The following SPEN variants were observed in gnomAD, a reference collection of about 807,000 sequenced individuals.
SPEN encodes the protein msx2-interacting protein.
A neutral mutation model predicts 269.9 loss-of-function variants in SPEN; 18 were observed. The ratio of observed to expected loss-of-function variants is 0.07; its 90% confidence interval spans 0.05 to 0.10. SPEN has a LOEUF of 0.10. Among genes scored for constraint, SPEN ranks in the 10% least tolerant of loss-of-function variants. The pLI, the probability that SPEN is intolerant of heterozygous loss-of-function variation, is 1.00. For synonymous variants in SPEN, 1,726 were observed against 1,765.7 expected (o/e 0.98, Z 0.56); for missense variants, 3,822 against 4,631.2 (o/e 0.83, Z 5.07).
intron 1 of SPEN, among the ~76,000 whole-genome samples, 155 bp from the exon 2 acceptor site, chr1:15,872,661 G>A (rs113978795): frequency 0.035 from 5,251 of 151,280 alleles, 297 homozygotes; most frequent in African/African-American, 0.12. Context: ...TTTCCCCAGA[G>A]AGAAAAACGT....
Position 15,904,452 on chromosome 1 carries a change from C to CAAAAAAAAAAA in SPEN, c.882-4854_882-4844dup, listed in dbSNP as rs1215369183. On this transcript the variant is annotated intron_variant, in intron 3 of 14. Transcript: ENST00000375759. ...GGGCAATAAGAGCGAAACTCCATCT[C>CAAAAAAAAAAA]AAAAAAAAAAAAAAAAAAAAAAAAA... Among the ~76,000 whole-genome samples, 60 of 48,616 alleles carry CAAAAAAAAAAA rather than the reference C, an allele frequency of 1.2e-3. 7 individuals carry two copies. The highest frequency in any genetic ancestry group is 2.0e-3 in the African/African-American group (34 of 16,798). The allele number at this position is 48,616 out of a possible 152,430, so 31.9% of individuals were successfully genotyped here.
rs759949431 is a variant in SPEN at position 15,932,664 on chromosome 1, G to C, written c.6424G>C (p.Val2142Leu). The C allele has an allele frequency of 1.2e-6, 2 of 1,613,854 alleles. No homozygotes were observed. Among genetic ancestry groups the C allele is most frequent in the East Asian group, 2.2e-5 (1 of 44,884 alleles). Residue 2142 changes from valine (V) to leucine (L), a missense_variant, in exon 11 of 15, where the codon GTT (valine) becomes CTT (leucine). Val to Leu is a conservative substitution (Grantham distance 32). Coordinates refer to ENST00000375759, the MANE Select transcript of SPEN (RefSeq NM_015001.3). The surrounding 1 kb of genome is among the most constrained non-coding windows in gnomAD (Gnocchi z 4.2). ...GLSSQLKSDPVDPDKEPEKED... is the reference protein window; with the variant it reads ...GLSSQLKSDPLDPDKEPEKED... ...ATCATCCCAGTTGAAAAGTGATCCA[G>C]TTGATCCAGACAAGGAACCAGAGAA... is the stretch of plus-strand genomic sequence containing the variant.
chr1:15,853,370 A>G (rs1253329150), intron 1 of SPEN, among the ~76,000 whole-genome samples: 1 of 149,758 alleles, frequency 6.7e-6, no homozygotes, highest in Non-Finnish European at 1.5e-5. Flanking sequence ...TATTTTTAGT[A>G]GAGACAGGGT....
At chr1:15,905,480 C>T (rs1256300352) in intron 3 of SPEN, among the ~76,000 whole-genome samples, 4 of 152,018 alleles carry the variant, frequency 2.6e-5, no homozygotes, top group Non-Finnish European at 5.9e-5. Context: ...CCTTGGCCTC[C>T]CAAAGTGCTG....
At chr1:15,936,700 G>T (rs549491918) in intron 11 of SPEN, among the ~76,000 whole-genome samples, 163 of 151,568 alleles carry the variant, frequency 1.1e-3, no homozygotes, top group African/African-American at 3.7e-3. Flanking sequence ...ACTTTGGGAG[G>T]CCAGGGCTGG....
At chr1:15,873,305 A>G in intron 2 of SPEN, 169 bp downstream of exon 2, 1 of 985,436 alleles carries the variant, frequency 1.0e-6, no homozygotes, top group Non-Finnish European at 1.2e-6. Context: ...TATCTTATGG[A>G]ATCGTAGAGG....
intron 1 of SPEN, among the ~76,000 whole-genome samples, chr1:15,849,298 G>A (rs2070309383): frequency 6.6e-6 from 1 of 152,190 alleles, no homozygotes. Flanking sequence ...ATTATGGAGC[G>A]TCCTCATTAA....
At chr1:15,913,329 G>A (rs1305632090) in intron 5 of SPEN, among the ~76,000 whole-genome samples, 1 of 152,114 alleles carries the variant, frequency 6.6e-6, no homozygotes, top group Non-Finnish European at 1.5e-5. Context: ...TCCCAAAGGT[G>A]TGTAGGCATT....
rs759437028 is a variant in SPEN at position 15,919,461 on chromosome 1, A to G, written c.1579A>G (p.Asn527Asp). The G allele has an allele frequency of 6.2e-7, 1 of 1,608,950 alleles. No homozygotes were observed. The highest frequency in any genetic ancestry group is 1.7e-5 in the Admixed American group (1 of 57,544). ...CGTGTGGCTAGATGGGCTTTCTTCG[A>G]ATGTGTCAGATCAGTATTTAACACG... ...NCVWLDGLSS[N>D]VSDQYLTRHF... The change falls in exon 8 of 15, where the codon AAT (asparagine) becomes GAT (aspartate). Residue 527 changes from asparagine to aspartate, a missense_variant. Coordinates refer to ENST00000375759, the MANE Select transcript of SPEN (RefSeq NM_015001.3).
chr1:15,878,985 AGATG>A, intron 3 of SPEN, among the ~76,000 whole-genome samples: 1 of 144,212 alleles, frequency 6.9e-6, no homozygotes. Flanking sequence ...CCTGGGTGAC[AGATG>A]ATGAGACTCT....
chr1:15,902,086 G>GC (rs981712496), intron 3 of SPEN, among the ~76,000 whole-genome samples: 3 of 151,754 alleles, frequency 2.0e-5, no homozygotes, highest in African/African-American at 7.3e-5. Flanking sequence ...GTGCCACCAC[G>GC]CCCCGCTAAT....
chr1:15,914,834 AAAG>A (rs376970326), intron 5 of SPEN, among the ~76,000 whole-genome samples: 30 of 152,120 alleles, frequency 2.0e-4, no homozygotes, highest in Non-Finnish European at 3.8e-4. Context: ...CAAAGAAAAA[AAAG>A]AAGAAGAAGA....
chr1:15,891,493 A>G (rs879816343), intron 3 of SPEN, among the ~76,000 whole-genome samples: 31 of 151,774 alleles, frequency 2.0e-4, no homozygotes, highest in African/African-American at 7.0e-4. Context: ...CTGGGACTAC[A>G]GGCACCCGCC....
intron 3 of SPEN, among the ~76,000 whole-genome samples, chr1:15,903,693 ATGTCATGTGCATGCT>A (rs1197841024): frequency 1.3e-5 from 2 of 152,020 alleles, no homozygotes; most frequent in Non-Finnish European, 2.9e-5. Flanking sequence ...GGGTCTTGCC[ATGTCATGTGCATGCT>A]GGTCTCAAAC....
At chr1:15,881,532 A>C (rs1263909621) in intron 3 of SPEN, among the ~76,000 whole-genome samples, 2 of 152,258 alleles carry the variant, frequency 1.3e-5, no homozygotes, top group African/African-American at 4.8e-5. Context: ...TGCATATCAC[A>C]GAACCTAGTA....
chr1:15,908,054 G>A (rs182925724), intron 3 of SPEN, among the ~76,000 whole-genome samples: 140 of 152,108 alleles, frequency 9.2e-4, no homozygotes, highest in Non-Finnish European at 1.5e-3. Context: ...AAAGTAACAT[G>A]ATCTAGTAAC....
chr1:15,876,716 C>T, intron 3 of SPEN, 38 bp downstream of exon 3: 1 of 1,451,528 alleles, frequency 6.9e-7, no homozygotes, highest in African/African-American at 1.4e-5. Flanking sequence ...GATGAGCTAG[C>T]TTTAAACAAA....
Position 15,934,056 on chromosome 1 carries a change from G to C in SPEN, c.7816G>C (p.Asp2606His). ...AGCCTCGGAGGTGCTGGTAGCTGCT[G>C]ACAAGGAAAAGGTGGCTCCAGTCAT... ...IQASEVLVAA[D>H]KEKVAPVIAP... is the part of the protein sequence containing the mutation. The change falls in exon 11 of 15, where the codon GAC (aspartate) becomes CAC (histidine). Residue 2606 changes from aspartate to histidine, a missense_variant. By Grantham distance (81) the Asp-to-His change is moderately conservative (BLOSUM62 -1). Around this residue, in one of 16 missense-constraint regions of SPEN, gnomAD observed 329 missense variants for 431.2 expected, o/e 0.76. Transcript: ENST00000375759. The surrounding 1 kb of genome is among the most constrained non-coding windows in gnomAD (Gnocchi z 9.2). 6.2e-7 allele frequency: 1 copy of C among 1,611,268 alleles called. No homozygotes were observed. The highest frequency in any genetic ancestry group is 8.5e-7 in the Non-Finnish European group (1 of 1,177,928).
At chr1:15,888,471 A>G (rs1222083782) in intron 3 of SPEN, among the ~76,000 whole-genome samples, 2 of 151,414 alleles carry the variant, frequency 1.3e-5, no homozygotes, top group African/African-American at 2.4e-5. Context: ...TTACAGGCAC[A>G]CGTCACCACG....
Sources: allele counts gnomAD v4.1 joint callset (sites outside exome capture counted in the v4.1 genomes callset), GRCh38; gene constraint gnomAD v4.1.1; regional missense constraint gnomAD v4.1.1; non-coding constraint Gnocchi (gnomAD v3.1); transcripts MANE v1.5; gene names NCBI Gene and HGNC (gene_info 2026-07-23, HGNC 2026-07-21).